Variants in POLR1A observed in about 807,000 individuals in gnomAD.
The protein encoded by POLR1A is RNA polymerase I subunit A, also known as DNA-directed RNA polymerase I subunit RPA1.
Under a neutral mutation model 205.3 loss-of-function variants are expected in POLR1A, and 84 were observed. That is an observed-to-expected ratio of 0.41 (90% CI 0.34 to 0.49). The LOEUF (loss-of-function observed/expected upper bound fraction) is 0.49, where lower values mean the gene tolerates loss of function less well. POLR1A is among the 20% of genes least tolerant of loss of function. The probability of loss-of-function intolerance (pLI) is 0.22; values close to 1 mark genes in which losing one functional copy is unlikely to be tolerated. For missense variants in POLR1A, 1,645 were observed against 2,204.5 expected (o/e 0.75, Z 5.08); for synonymous variants, 799 against 863.7 (o/e 0.93, Z 1.31).
chr2:86,078,061 T>C (rs1359341697), intron 10 of POLR1A, 53 bp downstream of exon 10: 2 of 1,612,066 alleles, frequency 1.2e-6, no homozygotes, highest in African/African-American at 1.3e-5. Context: ...CAATACACAA[T>C]GTTTATTATT....
chr2:86,081,222 C>T (rs1673395584), intron 8 of POLR1A, among the ~76,000 whole-genome samples: 1 of 152,010 alleles, frequency 6.6e-6, no homozygotes, highest in Admixed American at 6.6e-5. Flanking sequence ...ATGGTGAAAC[C>T]CCATCTCTAT....
intron 19 of POLR1A, among the ~76,000 whole-genome samples, chr2:86,046,831 A>T (rs1219362031): frequency 6.6e-6 from 1 of 152,050 alleles, no homozygotes; most frequent in Admixed American, 6.5e-5. Flanking sequence ...TTCATCTCGA[A>T]AAAAAACGAA....
At chr2:86,095,746 G>C (rs975973543) in intron 3 of POLR1A, among the ~76,000 whole-genome samples, 3 of 128,540 alleles carry the variant, frequency 2.3e-5, no homozygotes, top group Admixed American at 7.9e-5. Context: ...TTTTTTTTTT[G>C]AGATGGAGTC....
At chr2:86,041,174 TGTGTGTGTGTGTGTGTGC>T (rs1201455318) in intron 24 of POLR1A, among the ~76,000 whole-genome samples, 34 of 98,846 alleles carry the variant, frequency 3.4e-4, no homozygotes, top group African/African-American at 1.0e-3. Flanking sequence ...TGTGTGTGTG[TGTGTGTGTGTGTGTGTGC>T]GCGCTGAGCT....
intron 24 of POLR1A, among the ~76,000 whole-genome samples, chr2:86,041,676 T>C (rs757542064): frequency 6.6e-6 from 1 of 152,114 alleles, no homozygotes; most frequent in Non-Finnish European, 1.5e-5. Context: ...TTGGCCCAGA[T>C]GGGGGTGTCC....
In POLR1A at chr2:86,032,272, C is replaced by T; in HGVS notation, c.4272G>A (p.Glu1424=). ...DAKRKEKQEE[E]VDYESEEEEE... The stretch of plus-strand genomic sequence containing the variant: ...CTTCACCCCACACAGGGTCTCTCAC[C>T]TCCTCCTCCTGCTTCTCCTTGCGTT... Residue 1424 remains glutamate (E), a splice_region_variant and synonymous_variant, in exon 29 of 34, where the codon GAG becomes GAA. Transcript: ENST00000263857. The T allele has an allele frequency of 6.3e-7, 1 of 1,599,618 alleles. No individual in the cohort carries two copies. Among genetic ancestry groups the T allele is most frequent in the South Asian group, 1.1e-5 (1 of 90,788 alleles).
chr2:86,041,373 G>A (rs910338288), intron 24 of POLR1A, among the ~76,000 whole-genome samples: 20 of 149,066 alleles, frequency 1.3e-4, no homozygotes, highest in Non-Finnish European at 1.5e-4. Context: ...GTGCGCGCGC[G>A]CGCTGAGCTA....
chr2:86,053,668 C>T (rs1037247372), intron 15 of POLR1A, among the ~76,000 whole-genome samples: 4 of 152,150 alleles, frequency 2.6e-5, no homozygotes, highest in Admixed American at 6.5e-5. Flanking sequence ...TGTGATAACG[C>T]GTTGTGCACT....
chr2:86,031,509 C>A lies in POLR1A; in HGVS notation c.4399G>T (p.Gly1467Cys). The change falls in exon 30 of 34, where the codon GGC becomes TGC. Residue 1467 changes from glycine to cysteine, a missense_variant. By Grantham distance (159) the Gly-to-Cys change is radical. Around this residue, in one of 16 missense-constraint regions of POLR1A, gnomAD observed 394 missense variants for 468.5 expected, o/e 0.84. Transcript: ENST00000263857. Reference protein sequence around the residue: ...RKTQEQDEEVGLGTEEDPSLP... With the variant: ...RKTQEQDEEVCLGTEEDPSLP... ...GACGGGTCCTCCTCAGTGCCTAAGC[C>A]CACCTCTTCATCTTGCTCTTGGGTC... 6.2e-7 allele frequency: 1 copy of A among 1,614,162 alleles called. No individual in the cohort carries two copies. The highest frequency in any genetic ancestry group is 2.2e-5 in the East Asian group (1 of 44,876).
intron 23 of POLR1A, among the ~76,000 whole-genome samples, chr2:86,042,408 A>G (rs1672625876): frequency 1.3e-5 from 2 of 152,226 alleles, no homozygotes. Flanking sequence ...GGCTAGGACA[A>G]GAGGCAAAGC....
chr2:86,064,137 AGT>A (rs947940320), intron 14 of POLR1A, among the ~76,000 whole-genome samples: 2 of 152,190 alleles, frequency 1.3e-5, no homozygotes, highest in Non-Finnish European at 2.9e-5. Flanking sequence ...GAGATTTTTT[AGT>A]GTGTCTCTAA....
intron 16 of POLR1A, among the ~76,000 whole-genome samples, chr2:86,050,161 C>T (rs567230289): frequency 3.9e-5 from 6 of 152,238 alleles, no homozygotes; most frequent in African/African-American, 1.4e-4. Context: ...CATGATCCAC[C>T]TGCCTCGGCC....
rs1426715609 is a variant in POLR1A at position 86,047,204 on chromosome 2, C to T, written c.2694G>A (p.Val898=). 22 of 1,614,024 alleles carry T rather than the reference C, an allele frequency of 1.4e-5. No homozygotes were observed. The highest frequency in any genetic ancestry group is 1.7e-5 in the Non-Finnish European group (20 of 1,179,986). ...CAGTTGAACCTTTGGCTCCCGACTG[C>T]ACCATCATCTGCAGGCTGTTCTCTG... ...QFPENSLQMM[V]QSGAKGSTVN... is the part of the protein sequence containing the mutation. Residue 898 remains valine, a synonymous_variant, in exon 19 of 34, where the codon GTG becomes GTA. Transcript: ENST00000263857.
intron 14 of POLR1A, among the ~76,000 whole-genome samples, chr2:86,059,186 C>T (rs1278978421): frequency 1.3e-5 from 2 of 152,158 alleles, no homozygotes; most frequent in Non-Finnish European, 2.9e-5. Context: ...GAATGAGCCC[C>T]CAGTACATCC....
chr2:86,083,549 T>C (rs148529831), intron 6 of POLR1A, among the ~76,000 whole-genome samples: 10 of 152,324 alleles, frequency 6.6e-5, no homozygotes, highest in Non-Finnish European at 1.5e-4. Flanking sequence ...TTTAGTATCA[T>C]CTCATCAGCA....
In POLR1A at chr2:86,042,890, T is replaced by C. The variant is rs534997762; in HGVS notation, c.3357+84A>G. ...AGCTGGAGTTCATGATTCTACCTTCTCTTAGGAAAACAGCCCCTCATCCCT... is the reference window on the plus strand; with the variant it reads ...AGCTGGAGTTCATGATTCTACCTTCCCTTAGGAAAACAGCCCCTCATCCCT... On this transcript the variant is annotated intron_variant, in intron 23 of 33. Coordinates refer to ENST00000263857, the MANE Select transcript of POLR1A (RefSeq NM_015425.6). 6.3e-6 allele frequency: 6 copies of C among 952,314 alleles called. No homozygotes were observed. In the African/African-American group the frequency reaches 9.7e-5, roughly 15 times the overall value. The allele number at this position is 952,314 out of a possible 1,614,324, so 59.0% of individuals were successfully genotyped here. A position where few individuals can be genotyped will look rare whatever the true frequency, so the allele number is the denominator to read the frequency against.
intron 24 of POLR1A, 66 bp from the exon 25 acceptor site, chr2:86,040,625 T>C (rs1672583968): frequency 4.0e-6 from 5 of 1,264,284 alleles, no homozygotes; most frequent in Non-Finnish European, 5.3e-6. Context: ...CACCACAGAC[T>C]GTCAATGCTG....
rs1003318172 is a variant in POLR1A at position 86,023,095 on chromosome 2, G to C, written c.*4328C>G. Reference sequence around the variant, plus strand: ...AAGTGTTTCTAAGGTCCAAAACTGAGAGCCTCTAAGTGGACTTTGGACGGA... The same window carrying C: ...AAGTGTTTCTAAGGTCCAAAACTGACAGCCTCTAAGTGGACTTTGGACGGA... On this transcript the variant is annotated 3_prime_UTR_variant, in exon 34 of 34. Coordinates refer to ENST00000263857, the MANE Select transcript of POLR1A (RefSeq NM_015425.6). 2 of 152,204 alleles carry C rather than the reference G, an allele frequency of 1.3e-5. No homozygotes were observed. Among genetic ancestry groups the C allele is most frequent in the Non-Finnish European group, 2.9e-5 (2 of 68,038 alleles). The allele number at this position is 152,204 out of a possible 1,614,324, so 9.4% of individuals were successfully genotyped here. A position where few individuals can be genotyped will look rare whatever the true frequency, so the allele number is the denominator to read the frequency against.
Position 86,045,379 on chromosome 2 carries a change from A to G in POLR1A, c.2887-19T>C. The G allele has an allele frequency of 6.4e-7, 1 of 1,571,378 alleles. No individual in the cohort carries two copies. The highest frequency in any genetic ancestry group is 8.8e-7 in the Non-Finnish European group (1 of 1,141,008). ...AGAACTCCTGCAGAGAATGGGACCCAGGTCCCAAAGGTGACAGTGAGGACA... is the reference window on the plus strand; with the variant it reads ...AGAACTCCTGCAGAGAATGGGACCCGGGTCCCAAAGGTGACAGTGAGGACA... On this transcript the variant is annotated intron_variant, in intron 20 of 33. Transcript: ENST00000263857.
Sources: gnomAD v4.1 joint callset for allele counts (sites outside exome capture counted in the v4.1 genomes callset) on GRCh38, gnomAD v4.1.1 for gene constraint, gnomAD v4.1.1 regional missense constraint, MANE v1.5 for transcripts, NCBI Gene and HGNC (gene_info 2026-07-23, HGNC 2026-07-21) for gene names.